The following CRADD variants were observed in gnomAD, a reference collection of about 807,000 sequenced individuals.
CRADD encodes the protein death domain-containing protein CRADD.
In CRADD, 9 loss-of-function variants were observed where a neutral mutation model predicts 15.5. The ratio of observed to expected loss-of-function variants is 0.58; its 90% CI spans 0.35 to 1.01. The LOEUF (loss-of-function observed/expected upper bound fraction) is 1.01, where lower values mean the gene tolerates loss of function less well. Among genes scored for constraint, CRADD ranks in the 50% least tolerant of loss-of-function variants. The pLI is 0.02. For missense variants in CRADD, 227 were observed against 250.3 expected (o/e 0.91, Z 0.63); for synonymous variants, 118 against 107.6 (o/e 1.10, Z -0.60).
At chr12:93,792,539 C>T (rs891057752) in intron 2 of CRADD, among the ~76,000 whole-genome samples, 2 of 152,130 alleles carry the variant, frequency 1.3e-5, no homozygotes, top group Admixed American at 6.5e-5. Flanking sequence ...CAGTCATATT[C>T]ATGATTTTCA....
At chr12:93,706,798 A>C (rs1424241976) in intron 2 of CRADD, among the ~76,000 whole-genome samples, 3 of 152,232 alleles carry the variant, frequency 2.0e-5, no homozygotes, top group African/African-American at 7.2e-5. Context: ...TTAGTATTGC[A>C]TGCAATCATT....
chr12:93,727,126 T>C (rs988400206), intron 2 of CRADD, among the ~76,000 whole-genome samples: 3 of 152,160 alleles, frequency 2.0e-5, no homozygotes, highest in African/African-American at 7.2e-5. Context: ...ATCGCCCTGA[T>C]TGAGCATTTT....
exon 3 of CRADD, chr12:93,894,105 C>T (rs764453484): frequency 5.7e-6 from 4 of 702,384 alleles, no homozygotes; most frequent in Non-Finnish European, 7.8e-6. Context: ...CACAGCTCAC[C>T]TGGAGATTCT....
intron 2 of CRADD, among the ~76,000 whole-genome samples, chr12:93,874,823 G>A (rs1958447382): frequency 6.6e-6 from 1 of 152,004 alleles, no homozygotes; most frequent in African/African-American, 2.4e-5. Context: ...TGTAAGACTT[G>A]TTTTGTGACC....
chr12:93,751,590 C>T (rs913658970), intron 2 of CRADD, among the ~76,000 whole-genome samples: 4 of 152,274 alleles, frequency 2.6e-5, no homozygotes, highest in South Asian at 2.1e-4. Flanking sequence ...TTGGGCCAGG[C>T]GTGGTGGCTC....
At chr12:93,678,700 G>C (rs1173947781) in intron 1 of CRADD, 69 bp from the exon 2 acceptor site, 5 of 1,511,660 alleles carry the variant, frequency 3.3e-6, no homozygotes. Flanking sequence ...AACTTACATT[G>C]CAGTGACACT....
chr12:93,860,097 T>C (rs1958307748), intron 2 of CRADD, among the ~76,000 whole-genome samples: 1 of 150,258 alleles, frequency 6.7e-6, no homozygotes, highest in African/African-American at 2.5e-5. Context: ...TTTAACAGTG[T>C]GAAAATTCTT....
intron 2 of CRADD, among the ~76,000 whole-genome samples, chr12:93,880,903 A>C (rs1464744782): frequency 1.3e-5 from 2 of 152,242 alleles, no homozygotes; most frequent in Non-Finnish European, 2.9e-5. Context: ...TGTTAGAACC[A>C]AACTGAGTGA....
At chr12:93,781,544 C>T (rs1477658137) in intron 2 of CRADD, among the ~76,000 whole-genome samples, 1 of 152,170 alleles carries the variant, frequency 6.6e-6, no homozygotes, top group Non-Finnish European at 1.5e-5. Context: ...ATCAGGCTGA[C>T]AACACTTGAA....
chr12:93,782,256 A>G (rs555843184), intron 2 of CRADD, among the ~76,000 whole-genome samples: 1 of 150,084 alleles, frequency 6.7e-6, no homozygotes, highest in South Asian at 2.1e-4. Flanking sequence ...AAAACCAAAC[A>G]CTGCATGTTC....
chr12:93,806,495 G>A (rs574384787), intron 2 of CRADD, among the ~76,000 whole-genome samples: 2 of 149,378 alleles, frequency 1.3e-5, no homozygotes, highest in Admixed American at 1.3e-4. Flanking sequence ...AAAAAAGGAT[G>A]GACTGACACG....
intron 2 of CRADD, among the ~76,000 whole-genome samples, chr12:93,764,180 C>CTTTTT (rs34243041): frequency 1.9e-4 from 24 of 128,368 alleles, no homozygotes; most frequent in East Asian, 4.7e-4. Context: ...ACATGATCAA[C>CTTTTT]TTTTTTTTTT....
intron 2 of CRADD, among the ~76,000 whole-genome samples, chr12:93,773,150 G>A (rs746343519): frequency 2.1e-4 from 32 of 152,146 alleles, no homozygotes; most frequent in Admixed American, 3.9e-4. Context: ...CAGTATATAT[G>A]CAATATGTCT....
At chr12:93,738,172 AAAC>A in intron 2 of CRADD, 1 of 602,172 alleles carries the variant, frequency 1.7e-6, no homozygotes, top group South Asian at 2.0e-5. Context: ...AGTTGGAACA[AAAC>A]AACAGCGCTG....
At chr12:93,817,106 G>T (rs893356010) in intron 2 of CRADD, among the ~76,000 whole-genome samples, 1 of 151,836 alleles carries the variant, frequency 6.6e-6, no homozygotes, top group Non-Finnish European at 1.5e-5. Context: ...CTCATTCATG[G>T]TGCACAAATA....
intron 2 of CRADD, among the ~76,000 whole-genome samples, chr12:93,767,400 T>C (rs1348044723): frequency 6.6e-6 from 1 of 152,244 alleles, no homozygotes. Context: ...GGCTGTGCTG[T>C]GATGCTTTGC....
chr12:93,700,775 A>G (rs983688063), intron 2 of CRADD, among the ~76,000 whole-genome samples: 2 of 151,588 alleles, frequency 1.3e-5, no homozygotes, highest in African/African-American at 4.9e-5. Flanking sequence ...TGTTTGTTTG[A>G]TTTTTGTTTT....
chr12:93,876,592 TCTG>T (rs1203036495), intron 2 of CRADD, among the ~76,000 whole-genome samples: 1 of 152,138 alleles, frequency 6.6e-6, no homozygotes, highest in Non-Finnish European at 1.5e-5. Context: ...CTTGATCCAT[TCTG>T]CTATTAAAGG....
At position 93,850,608 on chromosome 12, in the gene CRADD, T is replaced by G; in HGVS notation, c.*337T>G. 1 of 916,898 alleles carries G rather than the reference T, an allele frequency of 1.1e-6. No homozygotes were observed. The highest frequency in any genetic ancestry group is 1.3e-6 in the Non-Finnish European group (1 of 765,208). 56.8% of individuals were successfully genotyped at this position (916,898 alleles called of 1,614,324 possible). ...ATATATATATATATCCATATATATA[T>G]CTCATGTCATCACATTACAGGCAGG... On this transcript the variant is annotated 3_prime_UTR_variant, in exon 3 of 3. Coordinates refer to ENST00000332896, the MANE Select transcript of CRADD (RefSeq NM_003805.5). The surrounding 1 kb of genome is among the most constrained non-coding windows in gnomAD (Gnocchi z 4.0).
Sources: gnomAD v4.1 joint callset for allele counts (sites outside exome capture counted in the v4.1 genomes callset) on GRCh38, gnomAD v4.1.1 for gene constraint, Gnocchi (gnomAD v3.1) non-coding constraint, MANE v1.5 for transcripts, NCBI Gene and HGNC (gene_info 2026-07-23, HGNC 2026-07-21) for gene names.